DPP10: variants seen among roughly 807,000 people sequenced by gnomAD.
DPP10 encodes the protein inactive dipeptidyl peptidase 10.
DPP10 carries 33 observed loss-of-function variants against 120.9 expected under a neutral mutation model. That is an observed-to-expected ratio of 0.27 (90% confidence interval 0.21 to 0.37). The LOEUF (loss-of-function observed/expected upper bound fraction) is 0.37. Among genes scored for constraint, DPP10 ranks in the 10% least tolerant of loss-of-function variants. The pLI, the probability that DPP10 is intolerant of heterozygous loss-of-function variation, is 1.00. For synonymous variants in DPP10, 337 were observed against 326.1 expected, an observed-to-expected ratio of 1.03 and a Z score of -0.36; for missense variants, 816 against 942.8, an observed-to-expected ratio of 0.87 and a Z score of 1.76.
intron 1 of DPP10, among the ~76,000 whole-genome samples, chr2:115,074,650 G>A (rs904747059): frequency 2.6e-5 from 4 of 152,176 alleles, no homozygotes; most frequent in Non-Finnish European, 4.4e-5. Context: ...AGCAAATGTA[G>A]AAAATGGTAA....
chr2:114,738,796 A>G (rs1245543128), intron 1 of DPP10, among the ~76,000 whole-genome samples: 2 of 152,136 alleles, frequency 1.3e-5, no homozygotes, highest in African/African-American at 4.8e-5. Flanking sequence ...ATGACTTCTG[A>G]TGGGGACAAA....
chr2:114,779,963 C>A (rs1432852921), intron 1 of DPP10, among the ~76,000 whole-genome samples: 1 of 152,006 alleles, frequency 6.6e-6, no homozygotes. Flanking sequence ...GGTGAAACCC[C>A]ATCTCTACTA....
At chr2:115,304,976 A>T (rs1186478913) in intron 1 of DPP10, among the ~76,000 whole-genome samples, 2 of 152,032 alleles carry the variant, frequency 1.3e-5, no homozygotes, top group Non-Finnish European at 2.9e-5. Flanking sequence ...TAGGTTACAG[A>T]CTCAGTTTAG....
chr2:115,229,432 A>C (rs2057619092), intron 1 of DPP10, among the ~76,000 whole-genome samples: 3 of 151,960 alleles, frequency 2.0e-5, no homozygotes, highest in Non-Finnish European at 4.4e-5. Context: ...GTTGATTATT[A>C]CTCAAGAAAT....
chr2:114,670,326 T>C (rs1485694145), intron 1 of DPP10, among the ~76,000 whole-genome samples: 4 of 152,192 alleles, frequency 2.6e-5, no homozygotes, highest in African/African-American at 9.7e-5. Flanking sequence ...GTGGTACATA[T>C]ACACCACGGA....
At chr2:115,836,980 ATACTTT>A (rs1252303905) in intron 24 of DPP10, among the ~76,000 whole-genome samples, 5 of 152,214 alleles carry the variant, frequency 3.3e-5, no homozygotes, top group Non-Finnish European at 7.3e-5. Flanking sequence ...AATGATGGAA[ATACTTT>A]ATCAATGTTG....
intron 1 of DPP10, among the ~76,000 whole-genome samples, chr2:115,211,420 G>A (rs2056505142): frequency 6.6e-6 from 1 of 151,962 alleles, no homozygotes; most frequent in South Asian, 2.1e-4. Context: ...AATTGCCATT[G>A]GTTACTTCTT....
chr2:115,542,139 A>G lies in DPP10; in HGVS notation c.441+16167A>G, dbSNP rs1332815951. Among the ~76,000 whole-genome samples the G allele has an allele frequency of 8.6e-5, 13 of 151,840 alleles. No individual in the cohort carries two copies. The Admixed American group carries it at 8.6e-4, about 10-fold the overall frequency. ...ATGCCTTTGTGTGTGATTCTATGAC[A>G]TTTTTTATTATACGTAACTACCGCT... is the stretch of plus-strand genomic sequence containing the variant. On this transcript the variant is annotated intron_variant, in intron 5 of 25. Transcript: ENST00000410059.
rs557935088 is a variant in DPP10, at chr2:114,854,415, A to T, written c.60+411577A>T. Among the ~76,000 whole-genome samples, 62 of 152,288 alleles carry T rather than the reference A, an allele frequency of 4.1e-4. No individual in the cohort carries two copies. The South Asian group carries it at 0.013, about 31-fold the overall frequency. ...GTTTCATAAAAAAATGAATAAAGAG[A>T]TCTTCCATCCAGTGTTCAAAAGCCT... On this transcript the variant is annotated intron_variant, in intron 1 of 25. Transcript: ENST00000410059.
intron 1 of DPP10, among the ~76,000 whole-genome samples, chr2:114,578,627 G>C (rs1342403580): frequency 6.6e-6 from 1 of 152,128 alleles, no homozygotes; most frequent in Non-Finnish European, 1.5e-5. Flanking sequence ...AACTTAAACT[G>C]TCAGCAAAAT....
chr2:114,588,466 T>C (rs1691184100), intron 1 of DPP10, among the ~76,000 whole-genome samples: 1 of 152,202 alleles, frequency 6.6e-6, no homozygotes, highest in Non-Finnish European at 1.5e-5. Flanking sequence ...TGACTATAGT[T>C]AACAATAATG....
At chr2:115,520,064 A>G (rs1280439314) in intron 4 of DPP10, among the ~76,000 whole-genome samples, 1 of 152,224 alleles carries the variant, frequency 6.6e-6, no homozygotes, top group African/African-American at 2.4e-5. Flanking sequence ...CACGCCTGCA[A>G]TCCCAGCACT....
chr2:115,255,111 C>T (rs1163249953), intron 1 of DPP10, among the ~76,000 whole-genome samples: 1 of 152,234 alleles, frequency 6.6e-6, no homozygotes, highest in Admixed American at 6.5e-5. Flanking sequence ...TCTGTCTGTG[C>T]AGCATACCTC....
intron 3 of DPP10, among the ~76,000 whole-genome samples, chr2:115,444,110 C>T (rs1240166904): frequency 6.6e-6 from 1 of 152,118 alleles, no homozygotes; most frequent in African/African-American, 2.4e-5. Flanking sequence ...TGCTCTGAAA[C>T]AGGACAAAGG....
At chr2:114,591,384 G>A (rs1691447994) in intron 1 of DPP10, among the ~76,000 whole-genome samples, 1 of 152,122 alleles carries the variant, frequency 6.6e-6, no homozygotes, top group East Asian at 1.9e-4. Flanking sequence ...GTCCATCAAC[G>A]CTGATGTTGG....
At chr2:115,533,203 CT>C (rs965364653) in intron 5 of DPP10, among the ~76,000 whole-genome samples, 4 of 152,060 alleles carry the variant, frequency 2.6e-5, no homozygotes, top group Non-Finnish European at 5.9e-5. Context: ...AGAATTAGAG[CT>C]GTCCTCTATA....
intron 1 of DPP10, among the ~76,000 whole-genome samples, chr2:115,244,247 G>GTTT: frequency 1.8e-5 from 1 of 55,520 alleles, no homozygotes; most frequent in East Asian, 6.3e-4. Flanking sequence ...TATAGAGAGA[G>GTTT]AGAGAGAGAG....
chr2:115,325,843 A>G (rs1436849305), intron 2 of DPP10, among the ~76,000 whole-genome samples: 2 of 152,140 alleles, frequency 1.3e-5, no homozygotes, highest in East Asian at 1.9e-4. Flanking sequence ...CTTTTGCAAT[A>G]CATTGTTTTG....
At chr2:115,695,460 G>T (rs1465431141) in intron 7 of DPP10, among the ~76,000 whole-genome samples, 1 of 152,066 alleles carries the variant, frequency 6.6e-6, no homozygotes, top group African/African-American at 2.4e-5. Flanking sequence ...ATGGTGGGAG[G>T]CAAAGGAAGA....
Sources: gnomAD v4.1 joint callset for allele counts (sites outside exome capture counted in the v4.1 genomes callset) on GRCh38, gnomAD v4.1.1 for gene constraint, MANE v1.5 for transcripts, NCBI Gene and HGNC (gene_info 2026-07-23, HGNC 2026-07-21) for gene names.